The following ZNF277 variants were observed in gnomAD, a reference collection of about 807,000 sequenced individuals.
ZNF277 encodes nuclear receptor-interacting factor 4.
A neutral mutation model predicts 60.7 loss-of-function variants in ZNF277; 55 were observed. The observed-to-expected ratio is 0.91, with a 90% CI of 0.73 to 1.13. The LOEUF (loss-of-function observed/expected upper bound fraction) is 1.13. ZNF277 is among the 50% of genes most tolerant of loss of function. The pLI is 0.00. For synonymous variants in ZNF277, 178 were observed against 179.3 expected (o/e 0.99, Z 0.06); for missense variants, 510 against 523.0 (o/e 0.98, Z 0.24).
chr7:112,241,476 A>G (rs1399203050), intron 1 of ZNF277, among the ~76,000 whole-genome samples: 1 of 152,080 alleles, frequency 6.6e-6, no homozygotes. Context: ...AAAATGTGCA[A>G]TCCAGCAATC....
At chr7:112,231,626 G>A (rs1258612172) in intron 1 of ZNF277, among the ~76,000 whole-genome samples, 3 of 150,014 alleles carry the variant, frequency 2.0e-5, no homozygotes, top group African/African-American at 7.3e-5. Context: ...TTTTTTTTTG[G>A]ATAACTTTTT....
intron 1 of ZNF277, among the ~76,000 whole-genome samples, chr7:112,213,365 T>G (rs1821804206): frequency 1.3e-5 from 2 of 152,174 alleles, no homozygotes; most frequent in Non-Finnish European, 2.9e-5. Flanking sequence ...ACTAATACAT[T>G]TTGTATAAGG....
At chr7:112,281,799 A>C (rs1040745079) in intron 1 of ZNF277, among the ~76,000 whole-genome samples, 4 of 152,212 alleles carry the variant, frequency 2.6e-5, no homozygotes, top group Non-Finnish European at 4.4e-5. Flanking sequence ...TATTTCAGCT[A>C]TTCCAGGCCA....
At chr7:112,273,231 C>T (rs765728509) in intron 1 of ZNF277, among the ~76,000 whole-genome samples, 5 of 152,128 alleles carry the variant, frequency 3.3e-5, no homozygotes, top group East Asian at 1.9e-4. Context: ...AGGTTGTGAC[C>T]GCTGGCATGG....
chr7:112,304,712 G>A (rs10268520), intron 4 of ZNF277, among the ~76,000 whole-genome samples: 7 of 152,082 alleles, frequency 4.6e-5, no homozygotes, highest in African/African-American at 9.7e-5. Flanking sequence ...TGAAAATACC[G>A]TCTTACTGTC....
At chr7:112,246,281 A>C (rs1385267832) in intron 1 of ZNF277, among the ~76,000 whole-genome samples, 2 of 152,066 alleles carry the variant, frequency 1.3e-5, no homozygotes, top group African/African-American at 4.8e-5. Context: ...CCAGCTACTC[A>C]GAAATAGAAA....
intron 1 of ZNF277, among the ~76,000 whole-genome samples, chr7:112,271,438 T>C (rs1791667203): frequency 6.6e-6 from 1 of 152,202 alleles, no homozygotes; most frequent in Non-Finnish European, 1.5e-5. Context: ...ATACTTAATG[T>C]CACTGAGAAC....
chr7:112,342,050 A>G (rs762352144), intron 11 of ZNF277, among the ~76,000 whole-genome samples: 18 of 152,202 alleles, frequency 1.2e-4, no homozygotes, highest in Admixed American at 2.0e-4. Context: ...AAAACAAAAC[A>G]CAAGGAAGAG....
At position 112,292,826 on chromosome 7, in the gene ZNF277, C is replaced by T. The variant is rs1324196099; in HGVS notation, c.294-3043C>T. On this transcript the variant is annotated intron_variant, in intron 2 of 11. Transcript: ENST00000361822. Reference sequence around the variant, plus strand: ...TTAGCCACCTATATGTGCCCTCTGACGCTATTAATATAACTATTTTGTCTT... The same window carrying T: ...TTAGCCACCTATATGTGCCCTCTGATGCTATTAATATAACTATTTTGTCTT... 2.6e-5 allele frequency among the ~76,000 whole-genome samples: 4 copies of T among 152,130 alleles called. No homozygotes were observed. The East Asian group carries it at 5.8e-4, about 22-fold the overall frequency.
intron 5 of ZNF277, among the ~76,000 whole-genome samples, chr7:112,321,726 AT>A (rs1434015990): frequency 6.6e-6 from 1 of 151,296 alleles, no homozygotes; most frequent in Non-Finnish European, 1.5e-5. Context: ...TTCTTCCATC[AT>A]TTTTTTGAGG....
At chr7:112,235,657 T>A (rs1201860013) in intron 1 of ZNF277, among the ~76,000 whole-genome samples, 1 of 152,094 alleles carries the variant, frequency 6.6e-6, no homozygotes, top group Non-Finnish European at 1.5e-5. Context: ...TGGATACAAG[T>A]CCTGTATCAG....
chr7:112,249,329 A>G (rs1791149434), intron 1 of ZNF277, among the ~76,000 whole-genome samples: 1 of 152,160 alleles, frequency 6.6e-6, no homozygotes, highest in African/African-American at 2.4e-5. Flanking sequence ...GTAATAAAAT[A>G]TTGGCTTTAA....
intron 1 of ZNF277, among the ~76,000 whole-genome samples, chr7:112,249,790 C>A (rs149252081): frequency 0.017 from 2,601 of 152,282 alleles, 76 homozygotes; most frequent in African/African-American, 0.06. Flanking sequence ...TTATCACTTC[C>A]CCAGTCAATA....
intron 4 of ZNF277, among the ~76,000 whole-genome samples, chr7:112,310,527 AC>A (rs1430117540): frequency 1.4e-5 from 2 of 145,080 alleles, no homozygotes; most frequent in Non-Finnish European, 3.0e-5. Flanking sequence ...TGTAGGTGCC[AC>A]CCTACTTTTT....
Position 112,310,478 on chromosome 7 carries a change from A to AGAGAGAGTGT in ZNF277, c.466-7703_466-7702insAGAGAGTGTG, listed in dbSNP as rs762824873. 1.6e-5 allele frequency among the ~76,000 whole-genome samples: 2 copies of AGAGAGAGTGT among 125,512 alleles called. 1 individual carries two copies. Among genetic ancestry groups the AGAGAGAGTGT allele is most frequent in the African/African-American group, 7.8e-5 (2 of 25,730 alleles). 82.3% of individuals were successfully genotyped at this position (125,512 alleles called of 152,430 possible). A position where few individuals can be genotyped will look rare whatever the true frequency, so the allele number is the denominator to read the frequency against. On this transcript the variant is annotated intron_variant, in intron 4 of 11. Transcript: ENST00000361822. ...TTGAGAGAGAGAGAGAGAGAGAGAG[A>AGAGAGAGTGT]GTGTGTGTGTGTGTATGTATTTTAT...
intron 2 of ZNF277, among the ~76,000 whole-genome samples, chr7:112,293,421 A>G (rs1419005265): frequency 6.6e-6 from 1 of 151,946 alleles, no homozygotes; most frequent in African/African-American, 2.4e-5. Flanking sequence ...TACAAAAAAA[A>G]TAGGAAAATT....
At chr7:112,252,802 A>G (rs994849963) in intron 1 of ZNF277, among the ~76,000 whole-genome samples, 4 of 152,216 alleles carry the variant, frequency 2.6e-5, no homozygotes, top group African/African-American at 9.6e-5. Flanking sequence ...ATCCAGTAAA[A>G]GAAACAAAAG....
chr7:112,340,509 A>G (rs1189284398), intron 10 of ZNF277, among the ~76,000 whole-genome samples: 1 of 152,202 alleles, frequency 6.6e-6, no homozygotes, highest in Non-Finnish European at 1.5e-5. Context: ...CTGCTTTTAT[A>G]GACATATATA....
intron 1 of ZNF277, among the ~76,000 whole-genome samples, chr7:112,285,094 A>G (rs1336740538): frequency 2.0e-5 from 3 of 151,982 alleles, no homozygotes; most frequent in Admixed American, 6.6e-5. Flanking sequence ...CAGTGGCATG[A>G]TCTCTGCTCA....
Sources: allele counts gnomAD v4.1 joint callset (sites outside exome capture counted in the v4.1 genomes callset), GRCh38; gene constraint gnomAD v4.1.1; transcripts MANE v1.5; gene names NCBI Gene and HGNC (gene_info 2026-07-23, HGNC 2026-07-21).